The following SHOC1 variants were observed in gnomAD, a reference collection of about 807,000 sequenced individuals.
The protein encoded by SHOC1 is protein shortage in chiasmata 1 ortholog.
Under a neutral mutation model 179.2 loss-of-function variants are expected in SHOC1, and 136 were observed. That is an observed-to-expected ratio of 0.76 (90% confidence interval 0.66 to 0.87). The LOEUF (loss-of-function observed/expected upper bound fraction) is 0.87. SHOC1 is among the 40% of genes least tolerant of loss of function. SHOC1 has a pLI of 0.00. For synonymous variants in SHOC1, 489 were observed against 586.6 expected (o/e 0.83, Z 2.41); for missense variants, 1,538 against 1,700.8 (o/e 0.90, Z 1.68).
At chr9:111,729,300 G>T (rs1367595114) in intron 12 of SHOC1, among the ~76,000 whole-genome samples, 1 of 150,200 alleles carries the variant, frequency 6.7e-6, no homozygotes, top group Admixed American at 6.7e-5. Flanking sequence ...GAGAGACAAA[G>T]TTTTGCTATG....
chr9:111,775,396 A>G (rs1294728131), intron 5 of SHOC1, among the ~76,000 whole-genome samples: 2 of 152,212 alleles, frequency 1.3e-5, no homozygotes, highest in African/African-American at 4.8e-5. Context: ...TTGGTTTCAC[A>G]TAAATTAGAT....
intron 5 of SHOC1, among the ~76,000 whole-genome samples, chr9:111,766,568 G>C (rs867437524): frequency 3.3e-5 from 5 of 151,904 alleles, no homozygotes; most frequent in African/African-American, 1.2e-4. Flanking sequence ...TTTGATACAA[G>C]CCATTTTAAC....
At chr9:111,764,469 A>G (rs143515875) in intron 5 of SHOC1, among the ~76,000 whole-genome samples, 197 of 152,354 alleles carry the variant, frequency 1.3e-3, no homozygotes, top group Non-Finnish European at 2.4e-3. Flanking sequence ...TACAATAAAG[A>G]AATTATTGAA....
At position 111,700,425 on chromosome 9, in the gene SHOC1, G is replaced by A. The variant is rs115541471; in HGVS notation, c.3090-378C>T. Among the ~76,000 whole-genome samples, 78 of 152,228 alleles carry A rather than the reference G, an allele frequency of 5.1e-4. No homozygotes were observed. In the East Asian group the frequency reaches 8.1e-3, roughly 16 times the overall value. On this transcript the variant is annotated intron_variant, in intron 23 of 27. Coordinates refer to ENST00000682961, the MANE Select transcript of SHOC1 (RefSeq NM_001378211.1). ...GGACACATGACCAGAACCAGGATACGTGGAATCCTCCCAGAATTCCCTAAA... is the reference window on the plus strand; with the variant it reads ...GGACACATGACCAGAACCAGGATACATGGAATCCTCCCAGAATTCCCTAAA...
chr9:111,729,781 A>AT (rs1172628900), intron 12 of SHOC1, among the ~76,000 whole-genome samples: 1 of 151,848 alleles, frequency 6.6e-6, no homozygotes, highest in Non-Finnish European at 1.5e-5. Context: ...AGTCCCAGCT[A>AT]CTCAGGAGGC....
chr9:111,723,949 C>T (rs1833184899), intron 13 of SHOC1, 38 bp from the exon 14 acceptor site: 4 of 1,401,060 alleles, frequency 2.9e-6, no homozygotes, highest in Non-Finnish European at 3.9e-6. Context: ...TTTTGTTGTT[C>T]AAGAGAAACT....
In SHOC1 at chr9:111,738,514, T is replaced by G; in HGVS notation, c.1183A>C (p.Ile395Leu). 1 of 1,547,366 alleles carries G rather than the reference T, an allele frequency of 6.5e-7. No individual in the cohort carries two copies. The highest frequency in any genetic ancestry group is 1.2e-5 in the South Asian group (1 of 80,556). The change falls in exon 12 of 28, where the codon ATT becomes CTT. Residue 395 changes from isoleucine to leucine, a missense_variant. Coordinates refer to ENST00000682961, the MANE Select transcript of SHOC1 (RefSeq NM_001378211.1). Reference protein sequence around the residue: ...LNPFLLTVPRIQEPHSQYSVT... With the variant: ...LNPFLLTVPRLQEPHSQYSVT... ...GAATATTGGCTGTGGGGCTCTTGAA[T>G]TCTTGGCACTTAAAAAAAAATAAAA... is the stretch of plus-strand genomic sequence containing the variant.
rs563147458 is a variant in SHOC1 at position 111,793,060 on chromosome 9, A to T, written c.-36-1606T>A. Among the ~76,000 whole-genome samples, 51 of 151,868 alleles carry T rather than the reference A, an allele frequency of 3.4e-4. No homozygotes were observed. The South Asian group carries it at 0.01, about 30-fold the overall frequency. On this transcript the variant is annotated intron_variant, in intron 1 of 27. Transcript: ENST00000682961. ...AACACGCCCGGCTAATTTTTTGTAT[A>T]TTTAGTAGAGACAGGGTTTCACCGT...
intron 13 of SHOC1, among the ~76,000 whole-genome samples, chr9:111,726,017 C>T (rs1158562022): frequency 1.3e-5 from 2 of 152,008 alleles, no homozygotes; most frequent in Non-Finnish European, 2.9e-5. Flanking sequence ...AATCAGAAAA[C>T]ATGAAGAAAT....
chr9:111,776,815 G>C (rs1416645086), intron 4 of SHOC1, among the ~76,000 whole-genome samples: 1 of 152,188 alleles, frequency 6.6e-6, no homozygotes, highest in Non-Finnish European at 1.5e-5. Flanking sequence ...TTCAACCTTA[G>C]GGTGGTAACA....
In SHOC1 at chr9:111,691,610, A is replaced by T; in HGVS notation, c.4367T>A (p.Leu1456Ter). The T allele has an allele frequency of 6.2e-7, 1 of 1,613,840 alleles. No individual in the cohort carries two copies. Among genetic ancestry groups the T allele is most frequent in the Non-Finnish European group, 8.5e-7 (1 of 1,179,884 alleles). Residue 1456 changes from leucine to a stop codon, truncating the protein, a stop_gained, in exon 27 of 28, where the codon TTA (leucine) becomes TAA (stop). Transcript: ENST00000682961. LOFTEE classifies it high-confidence loss of function. ...LYFYQRAGKS[L>*]GQKRHHESSF... ...AGATTCATGGTGCCTTTTCTGTCCT[A>T]AACTTTTTCCAGCTCTTTGGTAGAA...
chr9:111,745,481 T>C (rs1365061061), intron 10 of SHOC1, among the ~76,000 whole-genome samples: 1 of 152,148 alleles, frequency 6.6e-6, no homozygotes, highest in East Asian at 1.9e-4. Flanking sequence ...AATGTGACTG[T>C]ATTTGGAGAC....
At position 111,713,159 on chromosome 9, in the gene SHOC1, A is replaced by C. The variant is rs1318746038; in HGVS notation, c.2429T>G (p.Ile810Arg). Reference protein sequence around the residue: ...SQQQIKVLIIIRMDSDGEKHF... With the variant: ...SQQQIKVLIIRRMDSDGEKHF... ...TTTTTCACCGTCTGAGTCCATTCTT[A>C]TTATAATCAGTACCTAGTCAAAAAT... The change falls in exon 18 of 28, where the codon ATA becomes AGA. Residue 810 changes from isoleucine (I) to arginine (R), a missense_variant. Physicochemically the swap from Ile to Arg is moderately conservative, Grantham distance 97 (BLOSUM62 -3). Coordinates refer to ENST00000682961, the MANE Select transcript of SHOC1 (RefSeq NM_001378211.1). The C allele has an allele frequency of 6.4e-7, 1 of 1,552,256 alleles. No individual in the cohort carries two copies. The highest frequency in any genetic ancestry group is 8.9e-7 in the Non-Finnish European group (1 of 1,128,948).
In SHOC1 at chr9:111,686,687, T is replaced by A. The variant is rs1831175322; in HGVS notation, c.*83A>T. On this transcript the variant is annotated 3_prime_UTR_variant, in exon 28 of 28. Coordinates refer to ENST00000682961, the MANE Select transcript of SHOC1 (RefSeq NM_001378211.1). ...ATGAACAATTGTGTTTTCTTTAGTG[T>A]ATGAGCAAATCTAAATAATTGCGCT... The A allele has an allele frequency of 2.3e-6, 2 of 851,366 alleles. No homozygotes were observed. The highest frequency in any genetic ancestry group is 3.9e-6 in the Non-Finnish European group (2 of 507,458). 52.7% of individuals were successfully genotyped at this position (851,366 alleles called of 1,614,324 possible).
At chr9:111,715,840 T>C (rs141108792) in intron 16 of SHOC1, among the ~76,000 whole-genome samples, 36 of 152,278 alleles carry the variant, frequency 2.4e-4, no homozygotes, top group African/African-American at 8.4e-4. Context: ...GTAATACCTA[T>C]CACATTCCAT....
chr9:111,785,450 A>G (rs1836227965), intron 3 of SHOC1, among the ~76,000 whole-genome samples: 1 of 152,182 alleles, frequency 6.6e-6, no homozygotes, highest in Non-Finnish European at 1.5e-5. Context: ...TGCTTGGTAC[A>G]TAATATATAC....
intron 4 of SHOC1, among the ~76,000 whole-genome samples, chr9:111,780,237 T>C (rs1347920842): frequency 1.3e-5 from 2 of 152,184 alleles, no homozygotes; most frequent in Admixed American, 6.5e-5. Flanking sequence ...CTAAGGAAAA[T>C]TTAAATTACA....
chr9:111,709,362 A>C (rs912448758), intron 18 of SHOC1, among the ~76,000 whole-genome samples: 1 of 152,178 alleles, frequency 6.6e-6, no homozygotes, highest in Non-Finnish European at 1.5e-5. Flanking sequence ...AACAAAAAAC[A>C]AACAAACCTA....
rs576619738 is a variant in SHOC1, at chr9:111,693,544, A to G, written c.3465+255T>C. On this transcript the variant is annotated intron_variant, in intron 26 of 27. Transcript: ENST00000682961. ...CTTGAACTTGGGAGGTGGAGGTTGC[A>G]GTGAGCTGAGATTGTACCATTGCAC... is the stretch of plus-strand genomic sequence containing the variant. Among the ~76,000 whole-genome samples, 12 of 151,918 alleles carry G rather than the reference A, an allele frequency of 7.9e-5. No homozygotes were observed. In the South Asian group the frequency reaches 2.3e-3, roughly 29 times the overall value.
Sources: allele counts gnomAD v4.1 joint callset (sites outside exome capture counted in the v4.1 genomes callset), GRCh38; gene constraint gnomAD v4.1.1; transcripts MANE v1.5; gene names NCBI Gene and HGNC (gene_info 2026-07-23, HGNC 2026-07-21).